CATSPERB: variants seen among roughly 807,000 people sequenced by gnomAD.
The protein encoded by CATSPERB is catsper channel auxiliary subunit beta.
CATSPERB carries 93 observed loss-of-function variants against 128.3 expected under a neutral mutation model. The observed-to-expected ratio is 0.72, with a 90% CI of 0.61 to 0.86. The LOEUF (loss-of-function observed/expected upper bound fraction) is 0.86. Ranked by LOEUF, CATSPERB falls within the 40% of genes least tolerant of loss-of-function variation. CATSPERB has a pLI of 0.00. For synonymous variants in CATSPERB, 381 were observed against 448.8 expected (o/e 0.85, Z 1.91); for missense variants, 1,153 against 1,329.5 (o/e 0.87, Z 2.06).
In CATSPERB at chr14:91,582,545, G is replaced by A. The variant is rs546819641; in HGVS notation, c.3133-1438C>T. 5.8e-4 allele frequency among the ~76,000 whole-genome samples: 89 copies of A among 152,286 alleles called. No homozygotes were observed. The South Asian group carries it at 7.5e-3, about 13-fold the overall frequency. On this transcript the variant is annotated intron_variant, in intron 26 of 26. Coordinates refer to ENST00000256343, the MANE Select transcript of CATSPERB (RefSeq NM_024764.4). ...TTCAGAACCTGTCTTCCTGTTTGGC[G>A]TGCTTTCCTCTGACTGATCCCACCC... is the stretch of plus-strand genomic sequence containing the variant.
At chr14:91,629,663 G>T (rs1894237400) in intron 17 of CATSPERB, among the ~76,000 whole-genome samples, 1 of 152,144 alleles carries the variant, frequency 6.6e-6, no homozygotes, top group Admixed American at 6.5e-5. Flanking sequence ...CAATTTTGCT[G>T]TAAAACTGTA....
chr14:91,622,706 C>T (rs1234653787), intron 18 of CATSPERB, among the ~76,000 whole-genome samples: 16 of 152,096 alleles, frequency 1.1e-4, no homozygotes, highest in African/African-American at 2.4e-5. Flanking sequence ...AACCGACCAA[C>T]GAAAATCCTT....
chr14:91,612,012 T>TTTTC (rs71120177), intron 20 of CATSPERB, among the ~76,000 whole-genome samples: 7,196 of 132,936 alleles, frequency 0.054, 248 homozygotes, highest in East Asian at 0.12. Context: ...TTGTTTACTG[T>TTTTC]TTTCTTTCTT....
At chr14:91,693,730 CT>C (rs1405637441) in intron 7 of CATSPERB, among the ~76,000 whole-genome samples, 4 of 152,182 alleles carry the variant, frequency 2.6e-5, no homozygotes, top group Non-Finnish European at 5.9e-5. Context: ...TTGGTTCATT[CT>C]CTTAAAATAT....
chr14:91,693,591 C>T (rs1306237279), intron 7 of CATSPERB, 112 bp from the exon 8 acceptor site: 2 of 691,810 alleles, frequency 2.9e-6, no homozygotes, highest in Non-Finnish European at 5.1e-6. Flanking sequence ...ATGACTCTCA[C>T]TTCCCAAAGC....
chr14:91,711,532 G>T (rs1242937289), intron 5 of CATSPERB, among the ~76,000 whole-genome samples: 2 of 152,268 alleles, frequency 1.3e-5, no homozygotes, highest in East Asian at 3.9e-4. Flanking sequence ...CACCTGGCTG[G>T]TTTTAAGATT....
intron 15 of CATSPERB, among the ~76,000 whole-genome samples, chr14:91,648,523 G>A (rs1177049063): frequency 6.6e-6 from 1 of 151,958 alleles, no homozygotes; most frequent in East Asian, 1.9e-4. Context: ...TTCTACTTTG[G>A]CACTTCAGTT....
chr14:91,607,550 T>C (rs1251584393), intron 22 of CATSPERB, among the ~76,000 whole-genome samples: 1 of 152,056 alleles, frequency 6.6e-6, no homozygotes, highest in Non-Finnish European at 1.5e-5. Context: ...GCTGGGAAAA[T>C]CAGGTCAGAC....
At chr14:91,656,014 T>C (rs1373835683) in intron 15 of CATSPERB, among the ~76,000 whole-genome samples, 1 of 152,112 alleles carries the variant, frequency 6.6e-6, no homozygotes, top group Non-Finnish European at 1.5e-5. Context: ...AGTGTAAACC[T>C]TACAGGCCAG....
intron 15 of CATSPERB, among the ~76,000 whole-genome samples, chr14:91,650,108 G>A (rs917959051): frequency 6.6e-6 from 1 of 152,112 alleles, no homozygotes; most frequent in Non-Finnish European, 1.5e-5. Flanking sequence ...GTCAGCCAGA[G>A]GGCACTGAAA....
intron 20 of CATSPERB, among the ~76,000 whole-genome samples, chr14:91,615,271 C>T (rs1893914386): frequency 6.6e-6 from 1 of 152,196 alleles, no homozygotes; most frequent in Non-Finnish European, 1.5e-5. Context: ...CTATTGTGAA[C>T]TGCACATGCG....
intron 21 of CATSPERB, 84 bp from the exon 22 acceptor site, chr14:91,608,488 T>G: frequency 1.2e-6 from 1 of 851,418 alleles, no homozygotes; most frequent in Non-Finnish European, 1.8e-6. Context: ...AGAAAACCAA[T>G]CAAGGCAAAA....
intron 22 of CATSPERB, among the ~76,000 whole-genome samples, chr14:91,594,340 TG>T (rs1484327240): frequency 6.8e-6 from 1 of 146,804 alleles, no homozygotes; most frequent in East Asian, 2.0e-4. Context: ...GGTGGGGGGA[TG>T]GGGGAGGGAT....
At chr14:91,684,667 T>G (rs1895344116) in intron 10 of CATSPERB, among the ~76,000 whole-genome samples, 1 of 147,930 alleles carries the variant, frequency 6.8e-6, no homozygotes, top group Non-Finnish European at 1.5e-5. Flanking sequence ...CAGGCTGGAG[T>G]GCAGTAGCAC....
chr14:91,701,679 G>A (rs564695652), intron 7 of CATSPERB, among the ~76,000 whole-genome samples: 3 of 152,228 alleles, frequency 2.0e-5, no homozygotes, highest in African/African-American at 7.2e-5. Context: ...TGGAGTACAT[G>A]GGGCTGCTGC....
intron 26 of CATSPERB, among the ~76,000 whole-genome samples, chr14:91,586,571 A>AGAGAGAAAGAG (rs374162982): frequency 2.2e-4 from 25 of 114,234 alleles, no homozygotes; most frequent in African/African-American, 8.3e-4. Context: ...GAGAGAGAGA[A>AGAGAGAAAGAG]AGAGAGAGAG....
chr14:91,676,678 A>T (rs561673721), intron 11 of CATSPERB, among the ~76,000 whole-genome samples: 1 of 152,338 alleles, frequency 6.6e-6, no homozygotes, highest in South Asian at 2.1e-4. Context: ...TTAAAAACTG[A>T]ACTGCCACAT....
chr14:91,610,365 G>T, intron 21 of CATSPERB, 115 bp downstream of exon 21: 1 of 715,654 alleles, frequency 1.4e-6, no homozygotes, highest in Non-Finnish European at 2.3e-6. Flanking sequence ...AAAAATAACT[G>T]TGAAGTGTTT....
At chr14:91,659,781 A>T (rs1894843006) in intron 15 of CATSPERB, 56 bp downstream of exon 15, 2 of 1,539,874 alleles carry the variant, frequency 1.3e-6, no homozygotes, top group South Asian at 2.5e-5. Context: ...TTTTTCATAT[A>T]TCTTCTAATC....
Sources: gnomAD v4.1 joint callset for allele counts (sites outside exome capture counted in the v4.1 genomes callset) on GRCh38, gnomAD v4.1.1 for gene constraint, MANE v1.5 for transcripts, NCBI Gene and HGNC (gene_info 2026-07-23, HGNC 2026-07-21) for gene names.